Variants in C12orf50 observed in about 807,000 individuals in gnomAD.
The protein encoded by C12orf50 is zinc finger CCCH-type containing 11D.
C12orf50 carries 35 observed loss-of-function variants against 61.6 expected under a neutral mutation model. The observed-to-expected ratio is 0.57, with a 90% confidence interval of 0.43 to 0.75. The LOEUF is 0.75. C12orf50 is among the 30% of genes least tolerant of loss of function. The pLI is 0.00. For missense variants in C12orf50, 475 were observed against 488.5 expected (o/e 0.97, Z 0.26); for synonymous variants, 178 against 161.5 (o/e 1.10, Z -0.77).
chr12:87,986,376 A>C lies in C12orf50; in HGVS notation c.858T>G (p.Gly286=). Residue 286 remains glycine (G), a synonymous_variant, in exon 10 of 13, where the codon GGT becomes GGG. Transcript: ENST00000298699. The part of the protein sequence containing the change: ...VQPVKKPHFK[G]VKKRKWIYDE... ...CATAAATCCATTTTCTTTTCTTCAC[A>C]CCTTTAAAATGAGGCTTCTTCACTG... 5.0e-6 allele frequency: 8 copies of C among 1,611,134 alleles called. No homozygotes were observed. The highest frequency in any genetic ancestry group is 5.9e-6 in the Non-Finnish European group (7 of 1,179,000).
Position 88,028,903 on chromosome 12 carries a change from T to A in C12orf50, c.-109+437A>T, listed in dbSNP as rs945015092. On this transcript the variant is annotated intron_variant, in intron 1 of 12. Coordinates refer to ENST00000298699, the MANE Select transcript of C12orf50 (RefSeq NM_152589.3). ...CAGATTTCTTCAGAGAAATTCAGTA[T>A]GTCAAAAATACATGATAAGCTGTTA... Among the ~76,000 whole-genome samples, 7 of 152,122 alleles carry A rather than the reference T, an allele frequency of 4.6e-5. No homozygotes were observed. The East Asian group carries it at 1.3e-3, about 29-fold the overall frequency.
intron 3 of C12orf50, among the ~76,000 whole-genome samples, chr12:88,020,822 C>A (rs1407839997): frequency 4.7e-5 from 7 of 149,958 alleles, no homozygotes; most frequent in African/African-American, 1.7e-4. Flanking sequence ...AAAAAAAATA[C>A]ATCATACCAA....
Position 88,026,546 on chromosome 12 carries a change from A to G in C12orf50, c.75T>C (p.Cys25=), listed in dbSNP as rs17853830. The G allele has an allele frequency of 1.1e-5, 17 of 1,613,950 alleles. No individual in the cohort carries two copies. The East Asian group carries it at 3.1e-4, about 30-fold the overall frequency. Residue 25 remains cysteine, a synonymous_variant, in exon 3 of 13, where the codon TGT becomes TGC. Transcript: ENST00000298699. ...TTCGAGGTTTGCTGTGATAAAAGATACAGCTGATCTTCACACAACCAAGAG... is the reference window on the plus strand; with the variant it reads ...TTCGAGGTTTGCTGTGATAAAAGATGCAGCTGATCTTCACACAACCAAGAG... ...TQPLGCVKIS[C]IFYHSKPRNI...
intron 3 of C12orf50, among the ~76,000 whole-genome samples, chr12:88,005,921 T>TGG (rs2031852914): frequency 1.4e-5 from 2 of 141,622 alleles, no homozygotes; most frequent in Non-Finnish European, 3.1e-5. Context: ...GGTTTTTTTT[T>TGG]TTTTTTTTTT....
Position 87,986,402 on chromosome 12 carries a change from G to T in C12orf50, c.832C>A (p.Pro278Thr). ...EDPSSMNDVQ[P>T]VKKPHFKGVK... ...CCTTTAAAATGAGGCTTCTTCACTG[G>T]CTGGACATCATTCACTTAGAAAAGA... The change falls in exon 10 of 13, where the codon CCA (proline) becomes ACA (threonine). Residue 278 changes from proline (P) to threonine (T), a missense_variant. Transcript: ENST00000298699. The T allele has an allele frequency of 6.2e-7, 1 of 1,604,630 alleles. No homozygotes were observed. Among genetic ancestry groups the T allele is most frequent in the Non-Finnish European group, 8.5e-7 (1 of 1,176,934 alleles).
At chr12:87,988,002 T>G in intron 8 of C12orf50, 36 bp from the exon 9 acceptor site, 1 of 1,401,660 alleles carries the variant, frequency 7.1e-7, no homozygotes, top group Non-Finnish European at 1.0e-6. Context: ...AATGTCAATA[T>G]TAGTTTTTAA....
intron 3 of C12orf50, among the ~76,000 whole-genome samples, chr12:88,006,309 T>C (rs892971004): frequency 6.6e-6 from 1 of 152,202 alleles, no homozygotes; most frequent in Non-Finnish European, 1.5e-5. Context: ...ATGGAGCTAC[T>C]AGCCTCCTCT....
intron 3 of C12orf50, among the ~76,000 whole-genome samples, chr12:88,003,853 AAATC>A (rs2031748844): frequency 6.6e-6 from 1 of 152,116 alleles, no homozygotes; most frequent in Non-Finnish European, 1.5e-5. Flanking sequence ...TTTTTTAATT[AAATC>A]TGGGGAATTT....
At chr12:88,024,097 G>A (rs1253789314) in intron 3 of C12orf50, among the ~76,000 whole-genome samples, 1 of 152,080 alleles carries the variant, frequency 6.6e-6, no homozygotes, top group East Asian at 1.9e-4. Context: ...ATACCAATAA[G>A]AATGGCTATT....
At chr12:88,026,394 C>T in intron 3 of C12orf50, 94 bp downstream of exon 3, 1 of 1,411,164 alleles carries the variant, frequency 7.1e-7, no homozygotes, top group African/African-American at 1.4e-5. Flanking sequence ...GCATTGCTCA[C>T]CTTGTCATAC....
chr12:87,980,217 C>T lies in C12orf50; in HGVS notation c.*114G>A. 1.0e-6 allele frequency: 1 copy of T among 990,752 alleles called. No individual in the cohort carries two copies. Among genetic ancestry groups the T allele is most frequent in the Admixed American group, 2.1e-5 (1 of 46,814 alleles). The allele number at this position is 990,752 out of a possible 1,614,324, so 61.4% of individuals were successfully genotyped here. On this transcript the variant is annotated 3_prime_UTR_variant, in exon 13 of 13. Transcript: ENST00000298699. ...TGCATTTTTATCATCTTTGGCTATC[C>T]ACTACATAACATGGAGTACTTGAGT... is the stretch of plus-strand genomic sequence containing the variant.
intron 11 of C12orf50, chr12:87,984,626 C>T (rs2030706972): frequency 6.6e-6 from 1 of 152,190 alleles, no homozygotes. Flanking sequence ...TTTTCTCTGA[C>T]ATATCTACAT....
At chr12:87,983,853 G>A (rs111704915) in intron 11 of C12orf50, 1 of 105,972 alleles carries the variant, frequency 9.4e-6, no homozygotes, top group East Asian at 3.4e-4. Context: ...ATAAACATAC[G>A]TGTGCATGTG....
At chr12:88,002,154 G>A (rs1358143249) in intron 3 of C12orf50, among the ~76,000 whole-genome samples, 1 of 151,676 alleles carries the variant, frequency 6.6e-6, no homozygotes, top group Non-Finnish European at 1.5e-5. Context: ...TCTAAGCACT[G>A]CTTTACTTCA....
intron 3 of C12orf50, among the ~76,000 whole-genome samples, chr12:88,018,478 A>G (rs891394841): frequency 2.0e-5 from 3 of 152,200 alleles, no homozygotes; most frequent in Admixed American, 2.0e-4. Flanking sequence ...GGCAGTGTGG[A>G]AGGGAAATGT....
chr12:88,020,716 A>G (rs994124274), intron 3 of C12orf50, among the ~76,000 whole-genome samples: 1 of 152,180 alleles, frequency 6.6e-6, no homozygotes, highest in African/African-American at 2.4e-5. Flanking sequence ...TCTCCACCCC[A>G]AAACAACAGA....
At chr12:87,999,975 T>C (rs911997733) in intron 3 of C12orf50, among the ~76,000 whole-genome samples, 5 of 152,058 alleles carry the variant, frequency 3.3e-5, no homozygotes, top group African/African-American at 1.2e-4. Flanking sequence ...CAAAAATAGA[T>C]ATATTTATAG....
chr12:87,998,265 C>A, intron 3 of C12orf50, 75 bp from the exon 4 acceptor site: 1 of 1,142,370 alleles, frequency 8.8e-7, no homozygotes, highest in South Asian at 1.8e-5. Flanking sequence ...TCAATCATTG[C>A]CCTCCTAATT....
intron 7 of C12orf50, 46 bp from the exon 8 acceptor site, chr12:87,989,417 T>C (rs1183479440): frequency 7.3e-7 from 1 of 1,374,664 alleles, no homozygotes; most frequent in Non-Finnish European, 1.0e-6. Context: ...CAGAAAGTGA[T>C]ACAAACTAGC....
Sources: allele counts gnomAD v4.1 joint callset (sites outside exome capture counted in the v4.1 genomes callset), GRCh38; gene constraint gnomAD v4.1.1; transcripts MANE v1.5; gene names NCBI Gene and HGNC (gene_info 2026-07-23, HGNC 2026-07-21).